Variants in ZNF609 observed in about 807,000 individuals in gnomAD.
ZNF609 encodes the protein zinc finger protein 609.
Under a neutral mutation model 109.5 loss-of-function variants are expected in ZNF609, and 11 were observed. That is an observed-to-expected ratio of 0.10 (90% CI 0.06 to 0.17). The LOEUF is 0.17. Among genes scored for constraint, ZNF609 ranks in the 10% least tolerant of loss-of-function variants. ZNF609 has a pLI of 1.00. For synonymous variants in ZNF609, 646 were observed against 662.0 expected (o/e 0.98, Z 0.37); for missense variants, 1,559 against 1,772.4 (o/e 0.88, Z 2.16).
chr15:64,516,755 T>TA (rs2140361509), intron 2 of ZNF609, among the ~76,000 whole-genome samples: 1 of 152,302 alleles, frequency 6.6e-6, no homozygotes, highest in South Asian at 2.1e-4. Flanking sequence ...TATATATATA[T>TA]TTTTAATCTT....
At chr15:64,599,181 T>G (rs865953144) in intron 2 of ZNF609, among the ~76,000 whole-genome samples, 1 of 147,858 alleles carries the variant, frequency 6.8e-6, no homozygotes, top group Non-Finnish European at 1.5e-5. Context: ...TTTTTTTTTT[T>G]TTTTTTTTTT....
intron 2 of ZNF609, among the ~76,000 whole-genome samples, chr15:64,562,857 AAG>A (rs1894702065): frequency 7.6e-6 from 1 of 131,564 alleles, no homozygotes; most frequent in Non-Finnish European, 1.6e-5. Flanking sequence ...GAGAGAGGAA[AAG>A]AGGGTAAGCG....
chr15:64,530,936 A>G (rs543739269), intron 2 of ZNF609, among the ~76,000 whole-genome samples: 1 of 152,372 alleles, frequency 6.6e-6, no homozygotes, highest in Admixed American at 6.5e-5. Context: ...TGGGTAGGAA[A>G]GAAAGAAGAT....
intron 2 of ZNF609, among the ~76,000 whole-genome samples, chr15:64,562,390 C>A (rs995379582): frequency 6.6e-6 from 1 of 152,180 alleles, no homozygotes; most frequent in Non-Finnish European, 1.5e-5. Flanking sequence ...AACATTTATG[C>A]CCCCAAGATC....
chr15:64,482,278 T>G (rs934147193), intron 1 of ZNF609, among the ~76,000 whole-genome samples: 8 of 152,192 alleles, frequency 5.3e-5, no homozygotes, highest in African/African-American at 1.9e-4. Flanking sequence ...TTTTTTCTGA[T>G]TGGAACGTGA....
chr15:64,523,678 G>A (rs915019619), intron 2 of ZNF609, among the ~76,000 whole-genome samples: 2 of 151,728 alleles, frequency 1.3e-5, no homozygotes, highest in Non-Finnish European at 2.9e-5. Context: ...TGGGAGGATC[G>A]CTTGAACCTG....
intron 3 of ZNF609, among the ~76,000 whole-genome samples, chr15:64,648,864 T>C (rs1896373866): frequency 6.6e-6 from 1 of 151,706 alleles, no homozygotes. Context: ...ACAATTTTAG[T>C]GGGATTATAT....
At chr15:64,633,742 A>G (rs986500871) in intron 3 of ZNF609, among the ~76,000 whole-genome samples, 3 of 151,518 alleles carry the variant, frequency 2.0e-5, no homozygotes, top group African/African-American at 7.3e-5. Context: ...TTAGCCAGGC[A>G]TGGTGGTGGG....
chr15:64,510,443 G>T (rs6494478), intron 2 of ZNF609, among the ~76,000 whole-genome samples: 7,648 of 151,870 alleles, frequency 0.05, 263 homozygotes, highest in African/African-American at 0.095. Flanking sequence ...GGGCTCAAGT[G>T]ATTCCCCCTG....
chr15:64,466,283 A>G (rs1454795337), intron 1 of ZNF609, among the ~76,000 whole-genome samples: 1 of 152,186 alleles, frequency 6.6e-6, no homozygotes, highest in African/African-American at 2.4e-5. Flanking sequence ...TAGGAATGCC[A>G]TAGAGCCTAA....
rs555512820 is a variant in ZNF609 at position 64,678,281 on chromosome 15, G to A, written c.3568G>A (p.Asp1190Asn). The change falls in exon 6 of 10, where the codon GAC becomes AAC. Residue 1190 changes from aspartate (D) to asparagine (N), a missense_variant. Coordinates refer to ENST00000326648, the MANE Select transcript of ZNF609 (RefSeq NM_015042.2). ...AGATGGGAAGGAAAGCACAAGTAGT[G>A]ACTGCAAGCTGCCCACGTCAGAGGA... Reference protein sequence around the residue: ...KEDGKESTSSDCKLPTSEESR... With the variant: ...KEDGKESTSSNCKLPTSEESR... The A allele has an allele frequency of 1.2e-6, 2 of 1,614,202 alleles. No individual in the cohort carries two copies. The highest frequency in any genetic ancestry group is 1.7e-5 in the Admixed American group (1 of 60,022).
intron 2 of ZNF609, among the ~76,000 whole-genome samples, chr15:64,531,257 T>C (rs1339170111): frequency 6.6e-6 from 1 of 152,160 alleles, no homozygotes; most frequent in African/African-American, 2.4e-5. Context: ...GGTCCCTAAT[T>C]TTGGCCAGCT....
chr15:64,485,085 AAC>A (rs1411488149), intron 1 of ZNF609, among the ~76,000 whole-genome samples: 1 of 149,628 alleles, frequency 6.7e-6, no homozygotes. Context: ...GTACCAAATA[AAC>A]AAAGATAAAA....
chr15:64,588,293 G>A (rs1895232083), intron 2 of ZNF609, among the ~76,000 whole-genome samples: 1 of 149,642 alleles, frequency 6.7e-6, no homozygotes, highest in Non-Finnish European at 1.5e-5. Flanking sequence ...GCCGGGCGTG[G>A]TGGCGGGCAC....
Position 64,499,480 on chromosome 15 carries a change from T to A in ZNF609, c.61T>A (p.Tyr21Asn). The A allele has an allele frequency of 1.2e-6, 2 of 1,614,010 alleles. No individual in the cohort carries two copies. The highest frequency in any genetic ancestry group is 1.7e-6 in the Non-Finnish European group (2 of 1,180,024). The change falls in exon 2 of 10, where the codon TAC becomes AAC. Residue 21 changes from tyrosine (Y) to asparagine (N), a missense_variant. Physicochemically the swap from Tyr to Asn is moderately radical, Grantham distance 143. Coordinates refer to ENST00000326648, the MANE Select transcript of ZNF609 (RefSeq NM_015042.2). ...AGTGGATGCAAACCCGGTTGAGACATACGACAGTGGGGATGAATGGGACAT... is the reference window on the plus strand; with the variant it reads ...AGTGGATGCAAACCCGGTTGAGACAAACGACAGTGGGGATGAATGGGACAT... ...KGVDANPVET[Y>N]DSGDEWDIGV... is the part of the protein sequence containing the mutation.
At chr15:64,574,659 G>A (rs1894918907) in intron 2 of ZNF609, among the ~76,000 whole-genome samples, 6 of 152,162 alleles carry the variant, frequency 3.9e-5, no homozygotes, top group Admixed American at 3.9e-4. Flanking sequence ...CAGATAACCT[G>A]CTCTCATTGG....
At chr15:64,593,144 G>A in intron 2 of ZNF609, 1 of 1,584,530 alleles carries the variant, frequency 6.3e-7, no homozygotes, top group South Asian at 1.1e-5. Flanking sequence ...CATTTCTGAA[G>A]CGAGCGTCTT....
chr15:64,632,253 T>C (rs757196845), intron 3 of ZNF609, among the ~76,000 whole-genome samples: 9 of 151,782 alleles, frequency 5.9e-5, no homozygotes, highest in Non-Finnish European at 1.2e-4. Context: ...CAGTGTCTTA[T>C]TACATTGCAC....
chr15:64,563,485 T>G (rs765264366), intron 2 of ZNF609, among the ~76,000 whole-genome samples: 14 of 151,602 alleles, frequency 9.2e-5, no homozygotes, highest in Non-Finnish European at 1.5e-4. Context: ...AACTGAAAAT[T>G]TAAAAGATTG....
Sources: gnomAD v4.1 joint callset for allele counts (sites outside exome capture counted in the v4.1 genomes callset) on GRCh38, gnomAD v4.1.1 for gene constraint, MANE v1.5 for transcripts, NCBI Gene and HGNC (gene_info 2026-07-23, HGNC 2026-07-21) for gene names.